The following RCAN1 variants were observed in gnomAD, a reference collection of about 807,000 sequenced individuals.
The protein encoded by RCAN1 is calcipressin-1.
Under a neutral mutation model 22.9 loss-of-function variants are expected in RCAN1, and 11 were observed. That is an observed-to-expected ratio of 0.48 (90% confidence interval 0.30 to 0.79). The LOEUF (loss-of-function observed/expected upper bound fraction) is 0.79, where lower values mean the gene tolerates loss of function less well. Ranked by LOEUF, RCAN1 falls within the 30% of genes least tolerant of loss-of-function variation. The pLI is 0.06. For synonymous variants in RCAN1, 136 were observed against 142.3 expected, an observed-to-expected ratio of 0.96 and a Z score of 0.32; for missense variants, 291 against 337.8, an observed-to-expected ratio of 0.86 and a Z score of 1.09.
chr21:34,600,440 G>T (rs560127999), intron 1 of RCAN1, among the ~76,000 whole-genome samples: 5 of 152,128 alleles, frequency 3.3e-5, no homozygotes, highest in African/African-American at 4.8e-5. Context: ...TTCTGAAAAG[G>T]TCTGTTTTTC....
chr21:34,561,912 T>C (rs1986805122), intron 1 of RCAN1, among the ~76,000 whole-genome samples: 1 of 152,142 alleles, frequency 6.6e-6, no homozygotes, highest in South Asian at 2.1e-4. Context: ...ATTGAGGGAT[T>C]TGGTTCCTTA....
intron 1 of RCAN1, chr21:34,524,763 G>A (rs1272866394): frequency 7.6e-6 from 2 of 263,444 alleles, no homozygotes. Context: ...TGAGCTCTTA[G>A]AATGCAAAGC....
At chr21:34,605,193 A>C (rs1275823305) in intron 1 of RCAN1, among the ~76,000 whole-genome samples, 1 of 152,214 alleles carries the variant, frequency 6.6e-6, no homozygotes, top group Non-Finnish European at 1.5e-5. Flanking sequence ...TGTCAGAATA[A>C]AAGCAGGCAG....
intron 1 of RCAN1, among the ~76,000 whole-genome samples, chr21:34,530,268 AC>A (rs1480211985): frequency 6.6e-6 from 1 of 152,214 alleles, no homozygotes; most frequent in Non-Finnish European, 1.5e-5. Context: ...AGTCTTTTTA[AC>A]CTGCATTTGC....
intron 1 of RCAN1, among the ~76,000 whole-genome samples, chr21:34,551,803 C>G (rs961163573): frequency 7.2e-5 from 11 of 151,800 alleles, no homozygotes; most frequent in African/African-American, 2.7e-4. Flanking sequence ...AAAAAAAAAT[C>G]TTAGAATGAA....
intron 1 of RCAN1, among the ~76,000 whole-genome samples, chr21:34,557,729 A>G (rs1986633231): frequency 6.6e-6 from 1 of 152,236 alleles, no homozygotes; most frequent in African/African-American, 2.4e-5. Context: ...TTCACAAAAA[A>G]AGATGATGCT....
rs1392483347 is a variant in RCAN1, at chr21:34,615,069, A to G, written c.-58T>C. On this transcript the variant is annotated 5_prime_UTR_variant, in exon 1 of 4. Transcript: ENST00000313806. ...GGGCTGCTCCGGGCTTGCGCGCCGG[A>G]GCCTCACGCGCTCCGGTCCGCGCCC... is the stretch of plus-strand genomic sequence containing the variant. 9.9e-7 allele frequency: 1 copy of G among 1,012,702 alleles called. No individual in the cohort carries two copies. The highest frequency in any genetic ancestry group is 1.7e-5 in the African/African-American group (1 of 57,628). The allele number at this position is 1,012,702 out of a possible 1,614,324, so 62.7% of individuals were successfully genotyped here.
intron 1 of RCAN1, among the ~76,000 whole-genome samples, chr21:34,590,513 G>C (rs960602748): frequency 2.6e-5 from 4 of 152,216 alleles, no homozygotes; most frequent in African/African-American, 9.6e-5. Flanking sequence ...CAAAAAAACT[G>C]TCCTGAATTT....
At chr21:34,613,777 T>C in intron 1 of RCAN1, 1 of 1,491,602 alleles carries the variant, frequency 6.7e-7, no homozygotes. Flanking sequence ...TATAAATAAA[T>C]GACACTTACA....
In RCAN1 at chr21:34,612,248, CTTACCA is replaced by C. The variant is rs1479572335; in HGVS notation, c.252+2506_252+2511del. On this transcript the variant is annotated intron_variant, in intron 1 of 3. Coordinates refer to ENST00000313806, the MANE Select transcript of RCAN1 (RefSeq NM_004414.7). ...GTGCAATTAGAATCACACCTGAATCCTTACCATGGCCCCAGGGGGATGTTTTCTGGT... is the reference window on the plus strand; with the variant it reads ...GTGCAATTAGAATCACACCTGAATCCTGGCCCCAGGGGGATGTTTTCTGGT... Among the ~76,000 whole-genome samples, 14 of 152,348 alleles carry C rather than the reference CTTACCA, an allele frequency of 9.2e-5. No homozygotes were observed. The East Asian group carries it at 2.7e-3, about 29-fold the overall frequency.
At chr21:34,565,470 A>C (rs1423419482) in intron 1 of RCAN1, among the ~76,000 whole-genome samples, 1 of 152,180 alleles carries the variant, frequency 6.6e-6, no homozygotes, top group Non-Finnish European at 1.5e-5. Context: ...CCGTGCCCTC[A>C]AATGGGGGCT....
chr21:34,580,563 G>A (rs1987571459), intron 1 of RCAN1, among the ~76,000 whole-genome samples: 1 of 152,234 alleles, frequency 6.6e-6, no homozygotes, highest in Non-Finnish European at 1.5e-5. Flanking sequence ...GAAGCAGCTG[G>A]AGACAGTGTT....
At chr21:34,601,449 A>G (rs1350303540) in intron 1 of RCAN1, among the ~76,000 whole-genome samples, 1 of 152,140 alleles carries the variant, frequency 6.6e-6, no homozygotes, top group Non-Finnish European at 1.5e-5. Context: ...ATCCAGACCA[A>G]CCCTCCTTAC....
chr21:34,516,528 T>C lies in RCAN1; in HGVS notation c.*1556A>G, dbSNP rs1060276. 2 of 152,326 alleles carry C rather than the reference T, an allele frequency of 1.3e-5. No individual in the cohort carries two copies. Among genetic ancestry groups the C allele is most frequent in the African/African-American group, 2.4e-5 (1 of 41,572 alleles). 9.4% of individuals were successfully genotyped at this position (152,326 alleles called of 1,614,324 possible). On this transcript the variant is annotated 3_prime_UTR_variant, in exon 4 of 4. Transcript: ENST00000313806. ...TGTGCCCATTTATTATAGAATGCAGTTAAAAAAAATATTTTGAGGTTAGCC... is the reference window on the plus strand; with the variant it reads ...TGTGCCCATTTATTATAGAATGCAGCTAAAAAAAATATTTTGAGGTTAGCC...
chr21:34,578,238 C>A (rs897590153), intron 1 of RCAN1, among the ~76,000 whole-genome samples: 2 of 152,144 alleles, frequency 1.3e-5, no homozygotes, highest in African/African-American at 4.8e-5. Flanking sequence ...ATTCTTCTCC[C>A]CTCACCTGCA....
At chr21:34,521,911 A>C in intron 2 of RCAN1, 1 of 485,448 alleles carries the variant, frequency 2.1e-6, no homozygotes. Context: ...ACTGCAAATA[A>C]TTACGCTTGA....
In RCAN1 at chr21:34,527,854, T is replaced by TA. The variant is rs3831799; in HGVS notation, c.253-4145dup. Among the ~76,000 whole-genome samples the TA allele has an allele frequency of 3.8e-3, 474 of 124,614 alleles. 1 individual carries two copies. Among genetic ancestry groups the TA allele is most frequent in the South Asian group, 9.6e-3 (38 of 3,962 alleles). 81.8% of individuals were successfully genotyped at this position (124,614 alleles called of 152,430 possible). On this transcript the variant is annotated intron_variant, in intron 1 of 3. Transcript: ENST00000313806. ...TGCTTAAAGACTCATAAACTAAATG[T>TA]AAAAAAAAAAAAAAAAAGGAAAGGA...
rs139832604 is a variant in RCAN1 at position 34,519,134 on chromosome 21, T to G, written c.587-878A>C. 4.6e-3 allele frequency among the ~76,000 whole-genome samples: 701 copies of G among 152,290 alleles called. 7 individuals are homozygous for G. Among genetic ancestry groups the G allele is most frequent in the Non-Finnish European group, 3.7e-3 (250 of 68,020 alleles). The stretch of plus-strand genomic sequence containing the variant: ...GGAGACGGTAAAGGTATTGACTTCA[T>G]GGAGCTAACAGCATGAGTGAGTGCC... On this transcript the variant is annotated intron_variant, in intron 3 of 3. Transcript: ENST00000313806.
intron 2 of RCAN1, 81 bp downstream of exon 2, chr21:34,523,456 A>G (rs1381782922): frequency 1.4e-6 from 2 of 1,403,336 alleles, no homozygotes; most frequent in Non-Finnish European, 2.0e-6. Context: ...GTCAGCATAT[A>G]ACATAAGCAA....
Sources: gnomAD v4.1 joint callset for allele counts (sites outside exome capture counted in the v4.1 genomes callset) on GRCh38, gnomAD v4.1.1 for gene constraint, MANE v1.5 for transcripts, NCBI Gene and HGNC (gene_info 2026-07-23, HGNC 2026-07-21) for gene names.